Variants in PRDM16 observed in about 807,000 individuals in gnomAD.
PRDM16 encodes the protein histone-lysine N-methyltransferase PRDM16.
A neutral mutation model predicts 110.6 loss-of-function variants in PRDM16; 23 were observed. The ratio of observed to expected loss-of-function variants is 0.21; its 90% CI spans 0.15 to 0.29. The LOEUF (loss-of-function observed/expected upper bound fraction) is 0.29, where lower values mean the gene tolerates loss of function less well. PRDM16 is among the 10% of genes least tolerant of loss of function. The pLI, the probability that PRDM16 is intolerant of heterozygous loss-of-function variation, is 1.00. For missense variants in PRDM16, 1,615 were observed against 1,794.3 expected (o/e 0.90, Z 1.81); for synonymous variants, 799 against 781.8 (o/e 1.02, Z -0.37).
At position 3,404,893 on chromosome 1, in the gene PRDM16, T is replaced by G; in HGVS notation, c.1032+7T>G. On this transcript the variant is annotated splice_region_variant and intron_variant, in intron 7 of 16. Transcript: ENST00000270722. ...ATGTGAAAACTGCGTGAAGGTAACC[T>G]GCGGGGCGGCCCCGTCTCAGCCCCG... 1 of 1,612,018 alleles carries G rather than the reference T, an allele frequency of 6.2e-7. No homozygotes were observed.
In PRDM16 at chr1:3,412,227, C is replaced by T. The variant is rs1463404804; in HGVS notation, c.2030C>T (p.Pro677Leu). 2.5e-6 allele frequency: 4 copies of T among 1,608,256 alleles called. No homozygotes were observed. Among genetic ancestry groups the T allele is most frequent in the Non-Finnish European group, 3.4e-6 (4 of 1,176,106 alleles). The change falls in exon 9 of 17, where the codon CCA becomes CTA. Residue 677 changes from proline to leucine, a missense_variant. Coordinates refer to ENST00000270722, the MANE Select transcript of PRDM16 (RefSeq NM_022114.4). ...VFYSQHSFFP[P>L]PDEQLLTATG... ...TATTCCCAGCACTCATTCTTCCCGC[C>T]ACCCGACGAGCAGCTGCTGACTGCA...
chr1:3,336,536 CTGTG>C (rs537632576), intron 3 of PRDM16, among the ~76,000 whole-genome samples: 1 of 149,674 alleles, frequency 6.7e-6, no homozygotes, highest in African/African-American at 2.5e-5. Flanking sequence ...TGGTGTGAAT[CTGTG>C]TGTGAGTGCA....
intron 8 of PRDM16, among the ~76,000 whole-genome samples, chr1:3,406,787 G>A (rs1358073446): frequency 1.3e-5 from 2 of 152,182 alleles, no homozygotes; most frequent in African/African-American, 4.8e-5. Flanking sequence ...ACCAGGGCCG[G>A]GTCCAAGGGG....
At position 3,190,723 on chromosome 1, in the gene PRDM16, C is replaced by T. The variant is rs12142172; in HGVS notation, c.387+4249C>T. Among the ~76,000 whole-genome samples, 42,215 of 152,108 alleles carry T rather than the reference C, an allele frequency of 0.28. 6,776 individuals carry two copies. The highest frequency in any genetic ancestry group is 0.45 in the African/African-American group (18,490 of 41,474). On this transcript the variant is annotated intron_variant, in intron 2 of 16. Transcript: ENST00000270722. The surrounding 1 kb of genome is among the most constrained non-coding windows in gnomAD (Gnocchi z 5.0). ...CCAAATACCACGCCCCGCCGGTCGCCGCCGAAGCCCACCTGCCTGGAGGAA... is the reference window on the plus strand; with the variant it reads ...CCAAATACCACGCCCCGCCGGTCGCTGCCGAAGCCCACCTGCCTGGAGGAA...
chr1:3,323,094 G>T (rs1641799289), intron 3 of PRDM16, among the ~76,000 whole-genome samples: 1 of 152,212 alleles, frequency 6.6e-6, no homozygotes, highest in Admixed American at 6.5e-5. Context: ...CCTGTCGCTA[G>T]TGTACTGTGT....
At chr1:3,432,253 C>A in intron 16 of PRDM16, 113 bp downstream of exon 16, 1 of 860,492 alleles carries the variant, frequency 1.2e-6, no homozygotes, top group Non-Finnish European at 1.8e-6. Flanking sequence ...TCTGGTCACG[C>A]AAACGCCCCC....
intron 1 of PRDM16, among the ~76,000 whole-genome samples, chr1:3,073,367 G>A (rs1398261831): frequency 6.6e-6 from 1 of 152,250 alleles, no homozygotes; most frequent in East Asian, 1.9e-4. Flanking sequence ...TATAATTAGA[G>A]TTTCAACAAA....
At chr1:3,315,315 T>A (rs1255280495) in intron 3 of PRDM16, among the ~76,000 whole-genome samples, 3 of 152,122 alleles carry the variant, frequency 2.0e-5, no homozygotes, top group African/African-American at 7.2e-5. Flanking sequence ...GGGATTTATA[T>A]TTGAATTTCA....
rs1055141447 is a variant in PRDM16, at chr1:3,353,835, A to T, written c.439-31317A>T. 6.6e-6 allele frequency among the ~76,000 whole-genome samples: 1 copy of T among 152,132 alleles called. No homozygotes were observed. Among genetic ancestry groups the T allele is most frequent in the Non-Finnish European group, 1.5e-5 (1 of 67,996 alleles). On this transcript the variant is annotated intron_variant, in intron 3 of 16. Transcript: ENST00000270722. The surrounding 1 kb of genome is among the most constrained non-coding windows in gnomAD (Gnocchi z 5.4). ...GGGGACCCCTGCTCCCAGCGGAGCCAGTAGTGATGACAGGCGCAGCTGGGA... is the reference window on the plus strand; with the variant it reads ...GGGGACCCCTGCTCCCAGCGGAGCCTGTAGTGATGACAGGCGCAGCTGGGA...
chr1:3,252,878 G>C (rs1476831548), intron 3 of PRDM16, among the ~76,000 whole-genome samples: 1 of 152,140 alleles, frequency 6.6e-6, no homozygotes, highest in Non-Finnish European at 1.5e-5. Flanking sequence ...TTGTACTGCG[G>C]GGTGGAGGCG....
chr1:3,247,621 TCA>T (rs922835694), intron 3 of PRDM16, among the ~76,000 whole-genome samples: 2 of 152,232 alleles, frequency 1.3e-5, no homozygotes, highest in African/African-American at 4.8e-5. Context: ...TCCCTCTGTC[TCA>T]CACCCTGGTC....
intron 3 of PRDM16, among the ~76,000 whole-genome samples, chr1:3,287,052 C>T (rs1640860744): frequency 6.6e-6 from 1 of 152,316 alleles, no homozygotes; most frequent in South Asian, 2.1e-4. Flanking sequence ...CTCATTTTCC[C>T]ACCCTTGATC....
At chr1:3,262,866 C>T (rs545622025) in intron 3 of PRDM16, among the ~76,000 whole-genome samples, 167 of 150,526 alleles carry the variant, frequency 1.1e-3, no homozygotes, top group Non-Finnish European at 2.1e-3. Context: ...AGGGTGTGCG[C>T]GCATGGGGTC....
intron 1 of PRDM16, among the ~76,000 whole-genome samples, chr1:3,112,977 G>T (rs962085486): frequency 6.6e-6 from 1 of 152,270 alleles, no homozygotes; most frequent in Admixed American, 6.5e-5. Context: ...AAGGACTGGG[G>T]TGTGCTCCCT....
chr1:3,351,314 C>T lies in PRDM16; in HGVS notation c.439-33838C>T, dbSNP rs1004140126. Among the ~76,000 whole-genome samples, 84 of 151,984 alleles carry T rather than the reference C, an allele frequency of 5.5e-4. 1 individual carries two copies. Among genetic ancestry groups the T allele is most frequent in the Non-Finnish European group, 1.9e-4 (13 of 67,980 alleles). On this transcript the variant is annotated intron_variant, in intron 3 of 16. Coordinates refer to ENST00000270722, the MANE Select transcript of PRDM16 (RefSeq NM_022114.4). ...CATTTTGAAGACCCAGGAGAGACTT[C>T]TGATTGAGGAACTCCTGCTCTCCTG...
At chr1:3,199,212 T>A (rs1200862928) in intron 2 of PRDM16, among the ~76,000 whole-genome samples, 1 of 152,160 alleles carries the variant, frequency 6.6e-6, no homozygotes, top group Non-Finnish European at 1.5e-5. Context: ...AAGCTGCCAA[T>A]GGCCATGGGG....
chr1:3,171,924 G>A (rs1442918891), intron 1 of PRDM16, among the ~76,000 whole-genome samples: 3 of 152,164 alleles, frequency 2.0e-5, no homozygotes, highest in South Asian at 4.1e-4. Flanking sequence ...AGCTCCAGGT[G>A]CAAGCCCCCC....
chr1:3,255,913 G>GAAGCCAACCCCGTGGCCGCACCA lies in PRDM16; in HGVS notation c.438+11777_438+11778insAGCCAACCCCGTGGCCGCACCAA, dbSNP rs1640035055. Reference sequence around the variant, plus strand: ...CCGAAGCCAACCCCGTGGCCGCACCGACACCTGAAGCCAATCCCGTGGCCA... The same window carrying GAAGCCAACCCCGTGGCCGCACCA: ...CCGAAGCCAACCCCGTGGCCGCACCGAAGCCAACCCCGTGGCCGCACCAACACCTGAAGCCAATCCCGTGGCCA... On this transcript the variant is annotated intron_variant, in intron 3 of 16. Transcript: ENST00000270722. The surrounding 1 kb of genome is among the most constrained non-coding windows in gnomAD (Gnocchi z 4.7). 6.6e-6 allele frequency among the ~76,000 whole-genome samples: 1 copy of GAAGCCAACCCCGTGGCCGCACCA among 151,466 alleles called. No homozygotes were observed. The highest frequency in any genetic ancestry group is 1.5e-5 in the Non-Finnish European group (1 of 67,966).
intron 3 of PRDM16, among the ~76,000 whole-genome samples, chr1:3,345,713 C>T (rs535295749): frequency 6.6e-6 from 1 of 151,990 alleles, no homozygotes; most frequent in Admixed American, 6.5e-5. Flanking sequence ...CCATGCTGCC[C>T]TCTCGGGTCC....
Sources: allele counts gnomAD v4.1 joint callset (sites outside exome capture counted in the v4.1 genomes callset), GRCh38; gene constraint gnomAD v4.1.1; non-coding constraint Gnocchi (gnomAD v3.1); transcripts MANE v1.5; gene names NCBI Gene and HGNC (gene_info 2026-07-23, HGNC 2026-07-21).